Variants in CTF1 observed in about 807,000 individuals in gnomAD.
The protein encoded by CTF1 is cardiotrophin 1, also known as cardiotrophin-1.
A neutral mutation model predicts 10.9 loss-of-function variants in CTF1; 9 were observed. That is an observed-to-expected ratio of 0.83 (90% CI 0.50 to 1.44). The LOEUF (loss-of-function observed/expected upper bound fraction) is 1.44. Ranked by LOEUF, CTF1 falls within the 40% of genes most tolerant of loss-of-function variation. The pLI is 0.00. For missense variants in CTF1, 259 were observed against 275.3 expected (o/e 0.94, Z 0.42); for synonymous variants, 133 against 138.8 (o/e 0.96, Z 0.29).
intron 2 of CTF1, among the ~76,000 whole-genome samples, chr16:30,900,869 A>G (rs2055394893): frequency 6.6e-6 from 1 of 151,808 alleles, no homozygotes; most frequent in African/African-American, 2.4e-5. Flanking sequence ...GTAAGTCACT[A>G]TAGTCACTGT....
Position 30,902,470 on chromosome 16 carries a change from C to A in CTF1, c.537C>A (p.Gly179=), listed in dbSNP as rs1003166295. 3 of 1,476,686 alleles carry A rather than the reference C, an allele frequency of 2.0e-6. No individual in the cohort carries two copies. In the African/African-American group the frequency reaches 4.4e-5, roughly 22 times the overall value. The allele number at this position is 1,476,686 out of a possible 1,614,324, so 91.5% of individuals were successfully genotyped here. The change falls in exon 3 of 3, where the codon GGC becomes GGA. Residue 179 remains glycine (G), a synonymous_variant. Coordinates refer to ENST00000279804, the MANE Select transcript of CTF1 (RefSeq NM_001330.5). ...AGGTGCTGGGGCTCCGCGTTTGCGGCCTCTACCGCGAGTGGCTGAGCCGCA... is the reference window on the plus strand; with the variant it reads ...AGGTGCTGGGGCTCCGCGTTTGCGGACTCTACCGCGAGTGGCTGAGCCGCA... The part of the protein sequence containing the change: ...PAKVLGLRVC[G]LYREWLSRTE...
chr16:30,899,590 C>A, intron 2 of CTF1, 57 bp downstream of exon 2: 2 of 1,004,780 alleles, frequency 2.0e-6, no homozygotes, highest in South Asian at 1.5e-5. Context: ...GCAGACATCA[C>A]AGAGGTCCTC....
At chr16:30,898,568 C>T (rs960643930) in intron 1 of CTF1, among the ~76,000 whole-genome samples, 3 of 152,132 alleles carry the variant, frequency 2.0e-5, no homozygotes, top group Non-Finnish European at 2.9e-5. Context: ...GCTGGGATTA[C>T]AGGCGTGAGC....
At chr16:30,896,593 C>T (rs1258655453), upstream of CTF1, 31 of 1,251,806 alleles carry the variant, frequency 2.5e-5, no homozygotes, top group Non-Finnish European at 2.6e-5. Context: ...TCCCCTTTCT[C>T]CCCCCTCGAA....
chr16:30,897,014 G>A (rs981771878), intron 1 of CTF1, among the ~76,000 whole-genome samples: 1 of 152,114 alleles, frequency 6.6e-6, no homozygotes, highest in African/African-American at 2.4e-5. Context: ...GCTGAAGGAA[G>A]GGGTAGAGTA....
In CTF1 at chr16:30,902,310, C is replaced by A. The variant is rs1162513328; in HGVS notation, c.377C>A (p.Ala126Glu). 4.0e-6 allele frequency: 4 copies of A among 1,004,854 alleles called. No homozygotes were observed. Among genetic ancestry groups the A allele is most frequent in the Non-Finnish European group, 4.7e-6 (4 of 845,352 alleles). The allele number at this position is 1,004,854 out of a possible 1,614,324, so 62.2% of individuals were successfully genotyped here. A position where few individuals can be genotyped will look rare whatever the true frequency, so the allele number is the denominator to read the frequency against. ...CTGCTGCGCCGCCTGGAGGACGCGG[C>A]GCGCCAGGCCCGGGCCCTGGGCGCC... ...PRLLRRLEDA[A>E]RQARALGAAV... The change falls in exon 3 of 3, where the codon GCG (alanine) becomes GAG (glutamate). Residue 126 changes from alanine to glutamate, a missense_variant. Transcript: ENST00000279804.
At position 30,899,409 on chromosome 16, in the gene CTF1, C is replaced by T. The variant is rs775291091; in HGVS notation, c.26-6C>T. The T allele has an allele frequency of 5.0e-6, 8 of 1,591,576 alleles. No individual in the cohort carries two copies. ...CCATCCTCATTCCTCCCCCCTTTCC[C>T]ACCAGAAGACCCCCAGACTGATTCC... On this transcript the variant is annotated splice_polypyrimidine_tract_variant and splice_region_variant and intron_variant, in intron 1 of 2. Transcript: ENST00000279804.
At chr16:30,901,959 G>A (rs927095475) in intron 2 of CTF1, 119 bp from the exon 3 acceptor site, 7 of 920,388 alleles carry the variant, frequency 7.6e-6, no homozygotes, top group African/African-American at 5.3e-5. Context: ...CTGTTAGGAG[G>A]GATTATCATC....
At chr16:30,896,596 C>G, upstream of CTF1, 2 of 1,253,562 alleles carry the variant, frequency 1.6e-6, no homozygotes, top group African/African-American at 1.5e-5. Context: ...CCTTTCTCCC[C>G]CCTCGAAAGG....
Position 30,902,429 on chromosome 16 carries a change from G to A in CTF1, c.496G>A (p.Gly166Arg), listed in dbSNP as rs1244949261. 1 of 1,404,222 alleles carries A rather than the reference G, an allele frequency of 7.1e-7. No individual in the cohort carries two copies. Among genetic ancestry groups the A allele is most frequent in the South Asian group, 1.4e-5 (1 of 69,246 alleles). The allele number at this position is 1,404,222 out of a possible 1,614,324, so 87.0% of individuals were successfully genotyped here. Residue 166 changes from glycine (G) to arginine (R), a missense_variant, in exon 3 of 3, where the codon GGG becomes AGG. By Grantham distance (125) the Gly-to-Arg change is moderately radical. Coordinates refer to ENST00000279804, the MANE Select transcript of CTF1 (RefSeq NM_001330.5). ...AATASAASAT[G>R]VFPAKVLGLR... ...CACCGCCTCAGCCGCCTCCGCCACC[G>A]GGGTCTTCCCCGCCAAGGTGCTGGG...
In CTF1 at chr16:30,902,638, T is replaced by C; in HGVS notation, c.*99T>C. 2 of 1,352,974 alleles carry C rather than the reference T, an allele frequency of 1.5e-6. No homozygotes were observed. The highest frequency in any genetic ancestry group is 1.9e-6 in the Non-Finnish European group (2 of 1,044,734). The allele number at this position is 1,352,974 out of a possible 1,614,324, so 83.8% of individuals were successfully genotyped here. On this transcript the variant is annotated 3_prime_UTR_variant, in exon 3 of 3. Coordinates refer to ENST00000279804, the MANE Select transcript of CTF1 (RefSeq NM_001330.5). ...CCGCTGTCGGTGTCTGTCTGTCTGC[T>C]CTTAGCTGTCTCCATTGCCTCGGCC...
Position 30,902,496 on chromosome 16 carries a change from C to T in CTF1, c.563C>T (p.Thr188Ile), listed in dbSNP as rs1461720620. 6.7e-7 allele frequency: 1 copy of T among 1,489,542 alleles called. No individual in the cohort carries two copies. Among genetic ancestry groups the T allele is most frequent in the Non-Finnish European group, 8.9e-7 (1 of 1,124,134 alleles). 92.3% of individuals were successfully genotyped at this position (1,489,542 alleles called of 1,614,324 possible). ...CTCTACCGCGAGTGGCTGAGCCGCA[C>T]CGAGGGCGACCTGGGCCAGCTGCTG... ...CGLYREWLSR[T>I]EGDLGQLLPG... Residue 188 changes from threonine to isoleucine, a missense_variant, in exon 3 of 3, where the codon ACC becomes ATC. By Grantham distance (89) the Thr-to-Ile change is moderately conservative (BLOSUM62 -1). Transcript: ENST00000279804.
chr16:30,901,820 G>C (rs1467601644), intron 2 of CTF1, among the ~76,000 whole-genome samples: 2 of 147,092 alleles, frequency 1.4e-5, no homozygotes, highest in African/African-American at 2.5e-5. Context: ...CTGGGCTCAA[G>C]TGATTATCTC....
intron 1 of CTF1, among the ~76,000 whole-genome samples, 177 bp downstream of exon 1, chr16:30,896,845 A>G (rs944673422): frequency 6.6e-6 from 1 of 152,072 alleles, no homozygotes; most frequent in African/African-American, 2.4e-5. Context: ...GAGAAACAGC[A>G]GGCGCTAGGG....
At chr16:30,896,410 C>T (rs1179338573), upstream of CTF1, among the ~76,000 whole-genome samples, 1 of 152,178 alleles carries the variant, frequency 6.6e-6, no homozygotes, top group Admixed American at 6.5e-5. Context: ...CCCCGAGGTC[C>T]TGTCCACCCG....
At chr16:30,900,038 A>C (rs2055388315) in intron 2 of CTF1, among the ~76,000 whole-genome samples, 1 of 152,178 alleles carries the variant, frequency 6.6e-6, no homozygotes. Context: ...TGGGGCAGTG[A>C]AGAGAACTCT....
intron 1 of CTF1, among the ~76,000 whole-genome samples, chr16:30,897,472 G>A (rs1012458158): frequency 1.3e-5 from 2 of 152,170 alleles, no homozygotes; most frequent in African/African-American, 2.4e-5. Context: ...CAGAAAAGCC[G>A]TTAAAAGAGC....
rs985554586 is a variant in CTF1 at position 30,899,398 on chromosome 16, C to G, written c.26-17C>G. 16 of 1,516,478 alleles carry G rather than the reference C, an allele frequency of 1.1e-5. No individual in the cohort carries two copies. The highest frequency in any genetic ancestry group is 1.4e-5 in the Non-Finnish European group (15 of 1,091,048). The allele number at this position is 1,516,478 out of a possible 1,614,324, so 93.9% of individuals were successfully genotyped here. ...CAGGAGGTTGGCCATCCTCATTCCT[C>G]CCCCCTTTCCCACCAGAAGACCCCC... is the stretch of plus-strand genomic sequence containing the variant. On this transcript the variant is annotated splice_polypyrimidine_tract_variant and intron_variant, in intron 1 of 2. Transcript: ENST00000279804.
intron 1 of CTF1, among the ~76,000 whole-genome samples, chr16:30,897,787 C>G (rs1376851366): frequency 1.3e-5 from 2 of 152,074 alleles, no homozygotes; most frequent in Admixed American, 6.5e-5. Context: ...CCCAGGAGGT[C>G]GAGGCTGCAG....
Sources: gnomAD v4.1 joint callset for allele counts (sites outside exome capture counted in the v4.1 genomes callset) on GRCh38, gnomAD v4.1.1 for gene constraint, MANE v1.5 for transcripts, NCBI Gene and HGNC (gene_info 2026-07-23, HGNC 2026-07-21) for gene names.